The following RAB3C variants were observed in gnomAD, a reference collection of about 807,000 sequenced individuals.
RAB3C encodes the protein ras-related protein Rab-3C.
Under a neutral mutation model 26.4 loss-of-function variants are expected in RAB3C, and 17 were observed. The observed-to-expected ratio is 0.64, with a 90% CI of 0.44 to 0.97. The LOEUF (loss-of-function observed/expected upper bound fraction) is 0.97, where lower values mean the gene tolerates loss of function less well. Ranked by LOEUF, RAB3C falls within the 50% of genes least tolerant of loss-of-function variation. The pLI is 0.00. For synonymous variants in RAB3C, 91 were observed against 95.9 expected (o/e 0.95, Z 0.30); for missense variants, 242 against 281.9 (o/e 0.86, Z 1.01).
intron 4 of RAB3C, among the ~76,000 whole-genome samples, chr5:58,850,878 A>C (rs531978146): frequency 4.3e-4 from 66 of 152,318 alleles, no homozygotes; most frequent in Middle Eastern, 3.4e-3. Flanking sequence ...GAATATTTTT[A>C]ATCTATTCAG....
chr5:58,698,333 C>T (rs1748764054), intron 2 of RAB3C, among the ~76,000 whole-genome samples: 1 of 152,174 alleles, frequency 6.6e-6, no homozygotes, highest in African/African-American at 2.4e-5. Flanking sequence ...GGTAACCTGA[C>T]CTTTCTCTCT....
chr5:58,683,613 G>GTC (rs1748389711), intron 2 of RAB3C, among the ~76,000 whole-genome samples: 1 of 152,106 alleles, frequency 6.6e-6, no homozygotes, highest in Admixed American at 6.6e-5. Context: ...GTTACCTGTG[G>GTC]TCCACCATGG....
chr5:58,717,113 TA>T (rs1404022118), intron 2 of RAB3C, among the ~76,000 whole-genome samples: 1 of 152,108 alleles, frequency 6.6e-6, no homozygotes, highest in Non-Finnish European at 1.5e-5. Context: ...TGCGTGAACC[TA>T]AAACTGCTTT....
At chr5:58,805,455 C>T (rs1465142908) in intron 3 of RAB3C, among the ~76,000 whole-genome samples, 10 of 151,074 alleles carry the variant, frequency 6.6e-5, no homozygotes, top group Non-Finnish European at 1.3e-4. Flanking sequence ...TGTGGTAGTG[C>T]GCGCCTATAA....
At chr5:58,629,028 A>G (rs1053937391) in intron 2 of RAB3C, among the ~76,000 whole-genome samples, 6 of 19,924 alleles carry the variant, frequency 3.0e-4, no homozygotes, top group Non-Finnish European at 5.2e-4. Context: ...TCACTTCTGG[A>G]AAAAAAAAAA....
chr5:58,825,981 G>T (rs1743467904), intron 4 of RAB3C, among the ~76,000 whole-genome samples: 1 of 152,142 alleles, frequency 6.6e-6, no homozygotes, highest in Admixed American at 6.5e-5. Flanking sequence ...CTGAAGACTG[G>T]AGATATACAT....
Position 58,601,167 on chromosome 5 carries a change from A to G in RAB3C, c.25-16476A>G, listed in dbSNP as rs147441725. Among the ~76,000 whole-genome samples, 668 of 152,146 alleles carry G rather than the reference A, an allele frequency of 4.4e-3. 5 individuals carry two copies. The highest frequency in any genetic ancestry group is 0.015 in the African/African-American group (609 of 41,506). On this transcript the variant is annotated intron_variant, in intron 1 of 4. Coordinates refer to ENST00000282878, the MANE Select transcript of RAB3C (RefSeq NM_138453.4). Reference sequence around the variant, plus strand: ...ACATTTATTGACTTATGTATGTTAAACTGTCCCTGCATATCTGGTATGAAA... The same window carrying G: ...ACATTTATTGACTTATGTATGTTAAGCTGTCCCTGCATATCTGGTATGAAA...
intron 3 of RAB3C, among the ~76,000 whole-genome samples, chr5:58,805,091 C>T (rs1742906012): frequency 6.6e-6 from 1 of 151,994 alleles, no homozygotes; most frequent in Non-Finnish European, 1.5e-5. Context: ...CCAAAGTGTA[C>T]TCATTCATTC....
intron 3 of RAB3C, among the ~76,000 whole-genome samples, chr5:58,761,501 G>A (rs1741796948): frequency 6.6e-6 from 1 of 152,184 alleles, no homozygotes; most frequent in African/African-American, 2.4e-5. Context: ...CTTGTTTGAT[G>A]TAAGAATTTG....
intron 3 of RAB3C, among the ~76,000 whole-genome samples, chr5:58,812,981 T>C (rs1743122799): frequency 6.6e-6 from 1 of 152,176 alleles, no homozygotes; most frequent in South Asian, 2.1e-4. Flanking sequence ...GTTTTCCTAA[T>C]TAGGTACAAA....
intron 2 of RAB3C, among the ~76,000 whole-genome samples, chr5:58,675,370 C>T (rs1748202224): frequency 1.3e-5 from 2 of 152,102 alleles, no homozygotes; most frequent in African/African-American, 4.8e-5. Context: ...CCTATGTCTG[C>T]AAGGCTTTTG....
rs1317077320 is a variant in RAB3C, at chr5:58,858,983, A to G, written c.*7632A>G. 6.6e-6 allele frequency: 1 copy of G among 152,192 alleles called. No individual in the cohort carries two copies. The highest frequency in any genetic ancestry group is 1.5e-5 in the Non-Finnish European group (1 of 68,026). 9.4% of individuals were successfully genotyped at this position (152,192 alleles called of 1,614,324 possible). A position where few individuals can be genotyped will look rare whatever the true frequency, so the allele number is the denominator to read the frequency against. On this transcript the variant is annotated 3_prime_UTR_variant, in exon 5 of 5. Coordinates refer to ENST00000282878, the MANE Select transcript of RAB3C (RefSeq NM_138453.4). Reference sequence around the variant, plus strand: ...TACCCAGAGATTTTTCTGTAGCTCCATGTTTCCCATAAAGGGCATTGGAAA... The same window carrying G: ...TACCCAGAGATTTTTCTGTAGCTCCGTGTTTCCCATAAAGGGCATTGGAAA...
rs1554044132 is a variant in RAB3C, at chr5:58,612,530, A to ATATG, written c.25-5110_25-5109insGTAT. The stretch of plus-strand genomic sequence containing the variant: ...TGTGTGTGTGTGTGTGTATATATAT[A>ATATG]TATATATATATATATATGTATATAT... On this transcript the variant is annotated intron_variant, in intron 1 of 4. Transcript: ENST00000282878. Among the ~76,000 whole-genome samples the ATATG allele has an allele frequency of 2.0e-3, 141 of 69,342 alleles. 2 individuals carry two copies. The highest frequency in any genetic ancestry group is 0.016 in the Middle Eastern group (2 of 128). 45.5% of individuals were successfully genotyped at this position (69,342 alleles called of 152,430 possible).
At chr5:58,615,782 G>T (rs1411419597) in intron 1 of RAB3C, among the ~76,000 whole-genome samples, 1 of 152,096 alleles carries the variant, frequency 6.6e-6, no homozygotes, top group African/African-American at 2.4e-5. Flanking sequence ...TGTTTAATAA[G>T]AAAATGTAAA....
In RAB3C at chr5:58,654,932, A is replaced by T. The variant is rs548659083; in HGVS notation, c.252+37062A>T. ...TATTTCTGTAGGTGAGACAAACAGT[A>T]AGTGATGAAATATAAATTATGCACA... On this transcript the variant is annotated intron_variant, in intron 2 of 4. Transcript: ENST00000282878. Among the ~76,000 whole-genome samples the T allele has an allele frequency of 5.9e-5, 9 of 152,204 alleles. No homozygotes were observed. The South Asian group carries it at 1.9e-3, about 32-fold the overall frequency.
At chr5:58,621,101 A>G (rs891717721) in intron 2 of RAB3C, among the ~76,000 whole-genome samples, 1 of 152,180 alleles carries the variant, frequency 6.6e-6, no homozygotes, top group Non-Finnish European at 1.5e-5. Context: ...GCTCTTCCCA[A>G]CTTATAGTAT....
rs557215534 is a variant in RAB3C, at chr5:58,679,620, G to A, written c.253-46382G>A. Among the ~76,000 whole-genome samples the A allele has an allele frequency of 2.0e-5, 3 of 152,166 alleles. 1 individual carries two copies. Among genetic ancestry groups the A allele is most frequent in the African/African-American group, 7.2e-5 (3 of 41,518 alleles). ...TGTTTATCTGACCAAAGGCAGTTTTGTTGTTGTTGTTGTTTAACATATTTT... is the reference window on the plus strand; with the variant it reads ...TGTTTATCTGACCAAAGGCAGTTTTATTGTTGTTGTTGTTTAACATATTTT... On this transcript the variant is annotated intron_variant, in intron 2 of 4. Coordinates refer to ENST00000282878, the MANE Select transcript of RAB3C (RefSeq NM_138453.4).
intron 1 of RAB3C, chr5:58,583,462 T>A (rs1440556388): frequency 3.6e-6 from 2 of 557,582 alleles, no homozygotes; most frequent in Non-Finnish European, 4.6e-6. Flanking sequence ...CTAGGCTCTG[T>A]AAAGAGGATA....
intron 3 of RAB3C, among the ~76,000 whole-genome samples, chr5:58,760,597 A>G (rs1432208527): frequency 1.3e-5 from 2 of 152,244 alleles, no homozygotes; most frequent in Non-Finnish European, 2.9e-5. Flanking sequence ...AGCAGTTGGT[A>G]TTAAACAACT....
Sources: allele counts gnomAD v4.1 joint callset (sites outside exome capture counted in the v4.1 genomes callset), GRCh38; gene constraint gnomAD v4.1.1; transcripts MANE v1.5; gene names NCBI Gene and HGNC (gene_info 2026-07-23, HGNC 2026-07-21).